Variants in TCAF1 observed in about 807,000 individuals in gnomAD.
The protein encoded by TCAF1 is TRPM8 channel associated factor 1.
In TCAF1, 4 loss-of-function variants were observed where a neutral mutation model predicts 27.3. The ratio of observed to expected loss-of-function variants is 0.15; its 90% CI spans 0.07 to 0.34. TCAF1 has a LOEUF of 0.34. TCAF1 is among the 10% of genes least tolerant of loss of function. The pLI, the probability that TCAF1 is intolerant of heterozygous loss-of-function variation, is 1.00. For synonymous variants in TCAF1, 105 were observed against 167.1 expected (o/e 0.63, Z 2.87); for missense variants, 257 against 425.8 (o/e 0.60, Z 3.49).
chr7:143,892,400 T>A (rs931249338), intron 1 of TCAF1, among the ~76,000 whole-genome samples: 3 of 151,690 alleles, frequency 2.0e-5, no homozygotes, highest in African/African-American at 7.3e-5. Context: ...ATTTAAAAAA[T>A]TATAATTCAA....
chr7:143,860,001 AATAT>A (rs1325796918), intron 6 of TCAF1, among the ~76,000 whole-genome samples: 8 of 36,486 alleles, frequency 2.2e-4, no homozygotes, highest in African/African-American at 5.7e-4. Context: ...TATATTATAT[AATAT>A]ATATATAATA....
chr7:143,895,436 G>A lies in TCAF1; in HGVS notation c.-15+6525C>T, dbSNP rs529084139. 6.6e-5 allele frequency among the ~76,000 whole-genome samples: 10 copies of A among 151,936 alleles called. No homozygotes were observed. The South Asian group carries it at 1.7e-3, about 25-fold the overall frequency. ...CTGTTTATGACTCAATTTATGTGAA[G>A]ATCAAGATTGGACCAATATATCATG... On this transcript the variant is annotated intron_variant, in intron 1 of 8. Transcript: ENST00000479870.
chr7:143,860,003 T>TATATA (rs1554485964), intron 6 of TCAF1, among the ~76,000 whole-genome samples: 4 of 6,854 alleles, frequency 5.8e-4, no homozygotes, highest in Non-Finnish European at 2.4e-3. Flanking sequence ...TATTATATAA[T>TATATA]ATATATATAA....
At chr7:143,881,692 T>C (rs1476001624) in intron 1 of TCAF1, among the ~76,000 whole-genome samples, 1 of 152,140 alleles carries the variant, frequency 6.6e-6, no homozygotes, top group Admixed American at 6.5e-5. Context: ...CCTCCTGTGA[T>C]CCTCCCCATT....
chr7:143,885,678 C>A, intron 1 of TCAF1: 1 of 389,698 alleles, frequency 2.6e-6, no homozygotes, highest in Non-Finnish European at 3.5e-6. Context: ...TTATATATTG[C>A]CTCTATCTAT....
chr7:143,886,457 G>A (rs1029007250), intron 1 of TCAF1: 3 of 960,452 alleles, frequency 3.1e-6, no homozygotes, highest in Non-Finnish European at 3.7e-6. Flanking sequence ...ACTACAGGAA[G>A]CATAGGTTAA....
intron 1 of TCAF1, among the ~76,000 whole-genome samples, chr7:143,889,164 C>T (rs1051612845): frequency 2.0e-5 from 3 of 152,008 alleles, no homozygotes; most frequent in East Asian, 1.9e-4. Flanking sequence ...AAAGGATAGA[C>T]GATATAGAGC....
intron 2 of TCAF1, among the ~76,000 whole-genome samples, chr7:143,866,522 G>GCA (rs1237873591): frequency 1.4e-5 from 2 of 142,628 alleles, no homozygotes; most frequent in Non-Finnish European, 3.1e-5. Flanking sequence ...GGTGGAGCTG[G>GCA]CAGTGAGCTG....
Position 143,876,200 on chromosome 7 carries a change from T to G in TCAF1, c.409A>C (p.Lys137Gln). The change falls in exon 2 of 9, where the codon AAG becomes CAG. Residue 137 changes from lysine to glutamine, a missense_variant. Lys to Gln is a moderately conservative substitution (Grantham distance 53). Transcript: ENST00000479870. The stretch of plus-strand genomic sequence containing the variant: ...CCACATTTCATGAACTTGACCAGCT[T>G]TTCTGTCATGGTTTCATTGTAGGCA... ...IDAYNETMTE[K>Q]LVKFMKCGGG... 3 of 1,614,172 alleles carry G rather than the reference T, an allele frequency of 1.9e-6. No homozygotes were observed. Among genetic ancestry groups the G allele is most frequent in the Non-Finnish European group, 2.5e-6 (3 of 1,180,028 alleles).
chr7:143,885,160 T>C (rs1252405078), intron 1 of TCAF1: 1 of 985,400 alleles, frequency 1.0e-6, no homozygotes, highest in African/African-American at 1.7e-5. Flanking sequence ...AATTGGTCCG[T>C]GTGCCCGGGC....
intron 1 of TCAF1, among the ~76,000 whole-genome samples, chr7:143,894,491 G>C (rs1313806733): frequency 6.6e-6 from 1 of 151,726 alleles, no homozygotes; most frequent in Non-Finnish European, 1.5e-5. Flanking sequence ...TTTTCAATAA[G>C]TAGTTCTTGA....
intron 1 of TCAF1, chr7:143,885,322 T>C: frequency 1.0e-6 from 1 of 982,714 alleles, no homozygotes; most frequent in Middle Eastern, 5.2e-4. Flanking sequence ...GGTAGTGAAG[T>C]GGCTAGGAGG....
rs1563211997 is a variant in TCAF1, at chr7:143,860,005, T to TA, written c.2167+202dup. On this transcript the variant is annotated intron_variant, in intron 6 of 8. Transcript: ENST00000479870. The stretch of plus-strand genomic sequence containing the variant: ...ATTATATAATATATATTATATAATA[T>TA]ATATATAATATATATTATATATTAT... 9.8e-4 allele frequency among the ~76,000 whole-genome samples: 46 copies of TA among 46,800 alleles called. 2 individuals are homozygous for TA. The highest frequency in any genetic ancestry group is 2.6e-3 in the African/African-American group (31 of 11,822). 30.7% of individuals were successfully genotyped at this position (46,800 alleles called of 152,430 possible).
intron 1 of TCAF1, chr7:143,885,092 A>T (rs981742496): frequency 1.5e-5 from 15 of 985,294 alleles, no homozygotes; most frequent in Non-Finnish European, 1.8e-5. Flanking sequence ...AAGGACCCCG[A>T]CCCAGTGCCT....
At position 143,851,554 on chromosome 7, in the gene TCAF1, T is replaced by C. The variant is rs1202572601; in HGVS notation, c.*2579A>G. 6.6e-6 allele frequency: 1 copy of C among 152,300 alleles called. No individual in the cohort carries two copies. Among genetic ancestry groups the C allele is most frequent in the African/African-American group, 2.4e-5 (1 of 41,474 alleles). 9.4% of individuals were successfully genotyped at this position (152,300 alleles called of 1,614,324 possible). ...ACAATATTTATTTTAGATCGTCTGG[T>C]AACTTTCTAACTTTAAATAATATGT... On this transcript the variant is annotated 3_prime_UTR_variant, in exon 9 of 9. Transcript: ENST00000479870.
rs144279294 is a variant in TCAF1, at chr7:143,893,386, C to T, written c.-15+8575G>A. Among the ~76,000 whole-genome samples the T allele has an allele frequency of 4.3e-3, 658 of 152,178 alleles. 4 individuals carry two copies. The highest frequency in any genetic ancestry group is 0.014 in the African/African-American group (596 of 41,546). ...GTGCATAAAAATCAGTAAGGATATA[C>T]ATGATTTGAATAACATAATTAACAA... On this transcript the variant is annotated intron_variant, in intron 1 of 8. Coordinates refer to ENST00000479870, the MANE Select transcript of TCAF1 (RefSeq NM_014719.3).
At chr7:143,888,710 ATTTAAC>A (rs1813524111) in intron 1 of TCAF1, among the ~76,000 whole-genome samples, 1 of 152,254 alleles carries the variant, frequency 6.6e-6, no homozygotes, top group Non-Finnish European at 1.5e-5. Flanking sequence ...TTCTAGAGAA[ATTTAAC>A]TTTAATGTAT....
chr7:143,887,261 A>G (rs377112810), intron 1 of TCAF1, among the ~76,000 whole-genome samples: 1 of 152,210 alleles, frequency 6.6e-6, no homozygotes. Context: ...TTAAAAATCC[A>G]TATCAAAAAT....
chr7:143,894,349 C>T (rs558853929), intron 1 of TCAF1, among the ~76,000 whole-genome samples: 2 of 151,860 alleles, frequency 1.3e-5, no homozygotes, highest in East Asian at 3.9e-4. Context: ...AGAAACTCTT[C>T]CCAACTCATT....
Sources: allele counts gnomAD v4.1 joint callset (sites outside exome capture counted in the v4.1 genomes callset), GRCh38; gene constraint gnomAD v4.1.1; transcripts MANE v1.5; gene names NCBI Gene and HGNC (gene_info 2026-07-23, HGNC 2026-07-21).